RBFOX1: variants seen among roughly 807,000 people sequenced by gnomAD.
The protein encoded by RBFOX1 is RNA binding protein fox-1 homolog 1.
RBFOX1 carries 8 observed loss-of-function variants against 57.7 expected under a neutral mutation model. The observed-to-expected ratio is 0.14, with a 90% CI of 0.08 to 0.25. The LOEUF (loss-of-function observed/expected upper bound fraction) is 0.25, where lower values mean the gene tolerates loss of function less well. Ranked by LOEUF, RBFOX1 falls within the 10% of genes least tolerant of loss-of-function variation. The pLI is 1.00. For missense variants in RBFOX1, 611 were observed against 548.5 expected (o/e 1.11, Z -1.14); for synonymous variants, 326 against 222.4 (o/e 1.47, Z -4.15).
intron 3 of RBFOX1, among the ~76,000 whole-genome samples, chr16:6,875,157 C>T (rs1363935623): frequency 6.6e-6 from 1 of 152,196 alleles, no homozygotes; most frequent in Non-Finnish European, 1.5e-5. Context: ...ATAATGCCTA[C>T]AGTGCTTGTG....
intron 4 of RBFOX1, among the ~76,000 whole-genome samples, chr16:7,345,994 C>T (rs1418551246): frequency 6.6e-6 from 1 of 152,140 alleles, no homozygotes; most frequent in Non-Finnish European, 1.5e-5. Flanking sequence ...AACCCCACAA[C>T]AGGCCCCGGT....
chr16:5,622,351 G>C (rs1359217000), intron 3 of RBFOX1, among the ~76,000 whole-genome samples: 1 of 152,190 alleles, frequency 6.6e-6, no homozygotes, highest in African/African-American at 2.4e-5. Flanking sequence ...TTTAGTGTCT[G>C]TCTTTTCCAC....
chr16:5,770,431 C>G (rs1049839116), intron 3 of RBFOX1, among the ~76,000 whole-genome samples: 9 of 152,056 alleles, frequency 5.9e-5, no homozygotes, highest in Admixed American at 6.6e-5. Flanking sequence ...GGGGAGGAAC[C>G]CTTGGTTCAG....
At chr16:7,480,139 T>C (rs1241257823) in intron 4 of RBFOX1, among the ~76,000 whole-genome samples, 1 of 152,212 alleles carries the variant, frequency 6.6e-6, no homozygotes, top group East Asian at 1.9e-4. Context: ...TTGTTAAGCC[T>C]GTGTGTCTTG....
chr16:7,659,565 A>C (rs909623766), intron 12 of RBFOX1, among the ~76,000 whole-genome samples: 6 of 152,208 alleles, frequency 3.9e-5, no homozygotes, highest in African/African-American at 1.4e-4. Flanking sequence ...GTACACATAC[A>C]CTAACTACAG....
In RBFOX1 at chr16:7,522,810, T is replaced by C. The variant is rs150823023; in HGVS notation, c.270+4421T>C. The stretch of plus-strand genomic sequence containing the variant: ...GAGTATTCAGAAATAGTAGGTAGTC[T>C]AGGAAAAAAGAAACCACTTTTTAAC... On this transcript the variant is annotated intron_variant, in intron 5 of 15. Transcript: ENST00000550418. Among the ~76,000 whole-genome samples, 31 of 152,248 alleles carry C rather than the reference T, an allele frequency of 2.0e-4. 1 individual carries two copies. Among genetic ancestry groups the C allele is most frequent in the African/African-American group, 6.5e-4 (27 of 41,520 alleles).
intron 3 of RBFOX1, among the ~76,000 whole-genome samples, chr16:6,660,928 G>T (rs1240536281): frequency 6.6e-6 from 1 of 152,064 alleles, no homozygotes; most frequent in African/African-American, 2.4e-5. Flanking sequence ...GAGGATCCTT[G>T]GTGTAGGTCA....
Position 7,427,592 on chromosome 16 carries a change from C to G in RBFOX1, c.28-90555C>G, listed in dbSNP as rs1426725717. ...CCTTCCCTTGCCCAAGCTAATTTAA[C>G]TCTTTCTTTCTTTTCTTTTCTTTTT... is the stretch of plus-strand genomic sequence containing the variant. On this transcript the variant is annotated intron_variant, in intron 4 of 15. Coordinates refer to ENST00000550418, the MANE Select transcript of RBFOX1 (RefSeq NM_018723.4). Among the ~76,000 whole-genome samples, 8 of 151,380 alleles carry G rather than the reference C, an allele frequency of 5.3e-5. No individual in the cohort carries two copies. In the East Asian group the frequency reaches 1.5e-3, roughly 29 times the overall value.
chr16:7,024,723 C>T (rs1170831563), intron 3 of RBFOX1, among the ~76,000 whole-genome samples: 1 of 152,206 alleles, frequency 6.6e-6, no homozygotes, highest in African/African-American at 2.4e-5. Flanking sequence ...CTCTGTCCTG[C>T]TCTTGTTGCT....
intron 3 of RBFOX1, among the ~76,000 whole-genome samples, chr16:5,699,796 G>C (rs531957949): frequency 8.5e-5 from 13 of 152,218 alleles, no homozygotes; most frequent in African/African-American, 3.1e-4. Flanking sequence ...AGATGGCATG[G>C]ATTTTAGCAG....
intron 1 of RBFOX1, among the ~76,000 whole-genome samples, chr16:5,358,683 T>G (rs2065459694): frequency 1.3e-5 from 2 of 151,998 alleles, no homozygotes; most frequent in Admixed American, 6.6e-5. Flanking sequence ...ATTAGCCGGG[T>G]GTGGTGGCGC....
chr16:5,671,828 A>G (rs34610780), intron 3 of RBFOX1, among the ~76,000 whole-genome samples: 6,905 of 152,342 alleles, frequency 0.045, 214 homozygotes, highest in Admixed American at 0.089. Flanking sequence ...TATTCAAATT[A>G]TATCTCCATC....
intron 3 of RBFOX1, among the ~76,000 whole-genome samples, chr16:6,861,314 A>G (rs1187080937): frequency 1.3e-5 from 2 of 152,136 alleles, no homozygotes; most frequent in Non-Finnish European, 2.9e-5. Context: ...TTTCGAGTGC[A>G]TTGTCTTGGT....
chr16:6,885,486 A>G (rs8050130), intron 3 of RBFOX1, among the ~76,000 whole-genome samples: 11,190 of 152,228 alleles, frequency 0.074, 1,440 homozygotes, highest in African/African-American at 0.25. Context: ...TTTCTTGACA[A>G]AGTCCAGGAT....
intron 3 of RBFOX1, among the ~76,000 whole-genome samples, chr16:6,929,076 C>G (rs188480696): frequency 6.6e-5 from 10 of 152,096 alleles, no homozygotes. Flanking sequence ...CATGCTTGCC[C>G]CACTCCCCAG....
intron 3 of RBFOX1, among the ~76,000 whole-genome samples, chr16:5,646,258 C>G (rs900506361): frequency 6.7e-5 from 10 of 150,136 alleles, no homozygotes; most frequent in African/African-American, 2.4e-4. Flanking sequence ...ATCTCTTGAC[C>G]TTGTGATCCG....
At chr16:7,407,553 C>A (rs1327001644) in intron 4 of RBFOX1, among the ~76,000 whole-genome samples, 1 of 152,084 alleles carries the variant, frequency 6.6e-6, no homozygotes, top group Non-Finnish European at 1.5e-5. Flanking sequence ...GGTAGGGGCA[C>A]AGTTTGTATT....
chr16:7,180,525 T>C (rs963060506), intron 4 of RBFOX1, among the ~76,000 whole-genome samples: 3 of 152,102 alleles, frequency 2.0e-5, no homozygotes. Context: ...GTCCTTTGAT[T>C]TTATTGGGTA....
intron 3 of RBFOX1, among the ~76,000 whole-genome samples, chr16:7,033,415 G>C (rs772738647): frequency 3.3e-5 from 5 of 152,184 alleles, no homozygotes; most frequent in Non-Finnish European, 5.9e-5. Context: ...AGCTACTTGG[G>C]AGGCTGAGGC....
Sources: allele counts gnomAD v4.1 joint callset (sites outside exome capture counted in the v4.1 genomes callset), GRCh38; gene constraint gnomAD v4.1.1; transcripts MANE v1.5; gene names NCBI Gene and HGNC (gene_info 2026-07-23, HGNC 2026-07-21).